Variants in PDE7A observed in about 807,000 individuals in gnomAD.
PDE7A encodes high affinity 3',5'-cyclic-AMP phosphodiesterase 7A.
PDE7A carries 39 observed loss-of-function variants against 64.3 expected under a neutral mutation model. The ratio of observed to expected loss-of-function variants is 0.61; its 90% CI spans 0.47 to 0.79. PDE7A has a LOEUF of 0.79. Ranked by LOEUF, PDE7A falls within the 30% of genes least tolerant of loss-of-function variation. The pLI, the probability that PDE7A is intolerant of heterozygous loss-of-function variation, is 0.00. For missense variants in PDE7A, 470 were observed against 582.8 expected (o/e 0.81, Z 1.99); for synonymous variants, 203 against 206.8 (o/e 0.98, Z 0.16).
intron 1 of PDE7A, chr8:65,789,142 C>T (rs201830746): frequency 1.8e-5 from 19 of 1,081,274 alleles, no homozygotes; most frequent in East Asian, 1.7e-4. Context: ...TCTTACCCAG[C>T]GCATGCTTCA....
intron 1 of PDE7A, among the ~76,000 whole-genome samples, chr8:65,792,504 C>T (rs577158363): frequency 1.2e-4 from 19 of 152,334 alleles, no homozygotes; most frequent in Non-Finnish European, 2.2e-4. Flanking sequence ...TACAGAGACT[C>T]GGCATGTCCC....
chr8:65,819,499 C>T (rs1004863013), intron 1 of PDE7A, among the ~76,000 whole-genome samples: 6 of 152,174 alleles, frequency 3.9e-5, no homozygotes, highest in Admixed American at 6.5e-5. Context: ...AAAGAAATAA[C>T]ACCAAAATAT....
intron 3 of PDE7A, among the ~76,000 whole-genome samples, chr8:65,774,605 A>AT (rs1219852529): frequency 1.3e-5 from 2 of 151,750 alleles, no homozygotes; most frequent in African/African-American, 4.8e-5. Context: ...GAAATTAAGT[A>AT]TTTACCATAG....
chr8:65,802,952 C>T (rs1810030241), intron 1 of PDE7A, among the ~76,000 whole-genome samples: 1 of 152,140 alleles, frequency 6.6e-6, no homozygotes, highest in African/African-American at 2.4e-5. Flanking sequence ...CTCCCCCTCC[C>T]CACACTCTCA....
intron 12 of PDE7A, among the ~76,000 whole-genome samples, chr8:65,720,138 C>T (rs1267338573): frequency 6.6e-6 from 1 of 152,068 alleles, no homozygotes; most frequent in Non-Finnish European, 1.5e-5. Context: ...ATATAATCTC[C>T]CTTAATTCAG....
intron 1 of PDE7A, among the ~76,000 whole-genome samples, chr8:65,790,325 A>T (rs1405690324): frequency 6.6e-6 from 1 of 152,096 alleles, no homozygotes; most frequent in Admixed American, 6.5e-5. Flanking sequence ...TAAAAAGACC[A>T]CTTTGGTCAA....
intron 1 of PDE7A, among the ~76,000 whole-genome samples, chr8:65,789,720 C>G (rs1809648409): frequency 6.6e-6 from 1 of 152,170 alleles, no homozygotes; most frequent in Non-Finnish European, 1.5e-5. Flanking sequence ...ATTCATCCAT[C>G]TTCATAACCG....
rs1357141539 is a variant in PDE7A at position 65,798,202 on chromosome 8, A to ATT, written c.139-15360_139-15359insAA. Among the ~76,000 whole-genome samples the ATT allele has an allele frequency of 6.2e-3, 152 of 24,556 alleles. 1 individual carries two copies. The highest frequency in any genetic ancestry group is 0.018 in the African/African-American group (138 of 7,468). 16.1% of individuals were successfully genotyped at this position (24,556 alleles called of 152,430 possible). A position where few individuals can be genotyped will look rare whatever the true frequency, so the allele number is the denominator to read the frequency against. On this transcript the variant is annotated intron_variant, in intron 1 of 12. Coordinates refer to ENST00000401827, the MANE Select transcript of PDE7A (RefSeq NM_001242318.3). The stretch of plus-strand genomic sequence containing the variant: ...TGCATATATATATATATATATATAT[A>ATT]TATATTTTTTTTTTTTTGAGATGGA...
At chr8:65,763,312 T>C (rs1808603121) in intron 3 of PDE7A, among the ~76,000 whole-genome samples, 1 of 152,116 alleles carries the variant, frequency 6.6e-6, no homozygotes, top group African/African-American at 2.4e-5. Flanking sequence ...CGCCTGTTAA[T>C]CCCAGCACTT....
At chr8:65,822,296 G>A (rs1038369673) in intron 1 of PDE7A, among the ~76,000 whole-genome samples, 33 of 152,208 alleles carry the variant, frequency 2.2e-4, no homozygotes, top group African/African-American at 7.0e-4. Flanking sequence ...GAAATCCTCC[G>A]TCATTCTAAG....
chr8:65,786,996 G>A (rs1236173822), intron 1 of PDE7A, among the ~76,000 whole-genome samples: 2 of 152,192 alleles, frequency 1.3e-5, no homozygotes, highest in Non-Finnish European at 2.9e-5. Flanking sequence ...CAAAAGATTT[G>A]ACTTGAAGGT....
intron 1 of PDE7A, among the ~76,000 whole-genome samples, chr8:65,831,214 G>GCTAACCTTT (rs1328361969): frequency 9.9e-5 from 15 of 152,074 alleles, no homozygotes; most frequent in African/African-American, 3.6e-4. Context: ...TATCATTAGT[G>GCTAACCTTT]CTAACCTTTC....
chr8:65,817,532 T>C (rs1259099904), intron 1 of PDE7A, among the ~76,000 whole-genome samples: 2 of 152,200 alleles, frequency 1.3e-5, no homozygotes, highest in African/African-American at 4.8e-5. Flanking sequence ...TTAGTCATCA[T>C]GTCTCTTTGA....
intron 1 of PDE7A, among the ~76,000 whole-genome samples, chr8:65,790,880 G>GT (rs1563509158): frequency 6.6e-6 from 1 of 152,216 alleles, no homozygotes; most frequent in Non-Finnish European, 1.5e-5. Flanking sequence ...GCAGCAGAGT[G>GT]TATCTTAGGC....
chr8:65,773,852 T>C (rs2063685), intron 3 of PDE7A, among the ~76,000 whole-genome samples: 64,498 of 152,004 alleles, frequency 0.42, 17,176 homozygotes, highest in African/African-American at 0.76. Context: ...CTAACAGTTA[T>C]ATTTTTCGAA....
chr8:65,818,598 G>C (rs984539337), intron 1 of PDE7A, among the ~76,000 whole-genome samples: 1 of 152,178 alleles, frequency 6.6e-6, no homozygotes, highest in Non-Finnish European at 1.5e-5. Flanking sequence ...GGGCAGGGAA[G>C]TGCATTCAAA....
chr8:65,802,510 G>C lies in PDE7A; in HGVS notation c.139-19667C>G, dbSNP rs532228752. Among the ~76,000 whole-genome samples, 50 of 152,268 alleles carry C rather than the reference G, an allele frequency of 3.3e-4. No homozygotes were observed. The South Asian group carries it at 0.01, about 32-fold the overall frequency. Reference sequence around the variant, plus strand: ...ATCTGATCACTGATTCAAATCCAGTGTTTACTCTTCCTAACTACGGAGTCT... The same window carrying C: ...ATCTGATCACTGATTCAAATCCAGTCTTTACTCTTCCTAACTACGGAGTCT... On this transcript the variant is annotated intron_variant, in intron 1 of 12. Coordinates refer to ENST00000401827, the MANE Select transcript of PDE7A (RefSeq NM_001242318.3).
chr8:65,807,989 A>G (rs1027772119), intron 1 of PDE7A, among the ~76,000 whole-genome samples: 2 of 152,206 alleles, frequency 1.3e-5, no homozygotes, highest in African/African-American at 4.8e-5. Context: ...TCTGGCTGAT[A>G]CAACGAGTGT....
intron 3 of PDE7A, among the ~76,000 whole-genome samples, chr8:65,774,694 CTAAA>C (rs1281172715): frequency 2.6e-5 from 4 of 151,368 alleles, no homozygotes; most frequent in Admixed American, 6.6e-5. Flanking sequence ...TATCTAATGG[CTAAA>C]TATTGTTTAA....
Sources: allele counts gnomAD v4.1 joint callset (sites outside exome capture counted in the v4.1 genomes callset), GRCh38; gene constraint gnomAD v4.1.1; transcripts MANE v1.5; gene names NCBI Gene and HGNC (gene_info 2026-07-23, HGNC 2026-07-21).